The following CNNM2 variants were observed in gnomAD, a reference collection of about 807,000 sequenced individuals.
CNNM2 encodes the protein metal transporter CNNM2.
CNNM2 carries 12 observed loss-of-function variants against 66.9 expected under a neutral mutation model. The observed-to-expected ratio is 0.18, with a 90% confidence interval of 0.11 to 0.29. The LOEUF (loss-of-function observed/expected upper bound fraction) is 0.29, where lower values mean the gene tolerates loss of function less well. CNNM2 is among the 10% of genes least tolerant of loss of function. The pLI is 1.00. For missense variants in CNNM2, 705 were observed against 1,167.7 expected (o/e 0.60, Z 5.77); for synonymous variants, 557 against 501.8 (o/e 1.11, Z -1.47).
In CNNM2 at chr10:103,032,643, A is replaced by G. The variant is rs11191523; in HGVS notation, c.1622-17064A>G. ...TGACTTTTTTTTAGAGTAGCCTTTC[A>G]TAACAATTGATGTAGCTCTTTTTTT... is the stretch of plus-strand genomic sequence containing the variant. On this transcript the variant is annotated intron_variant, in intron 1 of 7. Transcript: ENST00000369878. 0.1 allele frequency among the ~76,000 whole-genome samples: 15,531 copies of G among 148,252 alleles called. 833 individuals are homozygous for G. Among genetic ancestry groups the G allele is most frequent in the Middle Eastern group, 0.17 (49 of 288 alleles).
In CNNM2 at chr10:103,055,588, G is replaced by A. The variant is rs12769080; in HGVS notation, c.1903+1122G>A. 0.042 allele frequency among the ~76,000 whole-genome samples: 6,456 copies of A among 152,254 alleles called. 185 individuals carry two copies. The highest frequency in any genetic ancestry group is 0.066 in the Non-Finnish European group (4,476 of 68,012). On this transcript the variant is annotated intron_variant, in intron 3 of 7. Coordinates refer to ENST00000369878, the MANE Select transcript of CNNM2 (RefSeq NM_017649.5). ...ATTGCTCAGAATGGTAATCTGAGTG[G>A]TTGGCTTATAGATAAGTTTTTCTTT...
rs1178418863 is a variant in CNNM2 at position 103,088,394 on chromosome 10, T to TATTTTTTGAGA, written c.*11215_*11225dup. The TATTTTTTGAGA allele has an allele frequency of 6.6e-6, 1 of 152,260 alleles. No individual in the cohort carries two copies. Among genetic ancestry groups the TATTTTTTGAGA allele is most frequent in the East Asian group, 1.9e-4 (1 of 5,206 alleles). 9.4% of individuals were successfully genotyped at this position (152,260 alleles called of 1,614,324 possible). ...GATTTCGACTTGGGATTGGGATTTT[T>TATTTTTTGAGA]ATTTTTTGAGATGGAGTTTTGTTCT... On this transcript the variant is annotated 3_prime_UTR_variant, in exon 8 of 8. Coordinates refer to ENST00000369878, the MANE Select transcript of CNNM2 (RefSeq NM_017649.5).
At chr10:102,940,351 C>G (rs1173726222) in intron 1 of CNNM2, among the ~76,000 whole-genome samples, 1 of 152,136 alleles carries the variant, frequency 6.6e-6, no homozygotes, top group Non-Finnish European at 1.5e-5. Context: ...CAGTGCCAGC[C>G]CTTAGCCCCT....
intron 1 of CNNM2, among the ~76,000 whole-genome samples, chr10:102,957,475 A>G (rs1021742873): frequency 9.2e-5 from 14 of 152,228 alleles, no homozygotes; most frequent in African/African-American, 3.1e-4. Flanking sequence ...TTTGAGTGCT[A>G]GGATAAGTGA....
At chr10:103,012,133 G>T (rs2064355240) in intron 1 of CNNM2, among the ~76,000 whole-genome samples, 1 of 152,192 alleles carries the variant, frequency 6.6e-6, no homozygotes, top group South Asian at 2.1e-4. Context: ...GTACAACAAA[G>T]AATTTCATTG....
chr10:103,034,972 C>CAAAAAA (rs71019651), intron 1 of CNNM2, among the ~76,000 whole-genome samples: 12 of 71,140 alleles, frequency 1.7e-4, no homozygotes, highest in East Asian at 5.1e-4. Flanking sequence ...GACTCCGTCT[C>CAAAAAA]AAAAAAAAAA....
chr10:102,990,246 GTGAGCCACCGCGCCCGGTT>G (rs1465770403), intron 1 of CNNM2, among the ~76,000 whole-genome samples: 1 of 152,028 alleles, frequency 6.6e-6, no homozygotes, highest in East Asian at 1.9e-4. Context: ...GATTACAGGT[GTGAGCCACCGCGCCCGGTT>G]TAAGCCACCG....
chr10:103,010,405 T>C (rs937352919), intron 1 of CNNM2, among the ~76,000 whole-genome samples: 2 of 151,880 alleles, frequency 1.3e-5, no homozygotes, highest in Admixed American at 6.6e-5. Context: ...GCCCGGCTAA[T>C]TTTTTGTAGA....
intron 1 of CNNM2, among the ~76,000 whole-genome samples, chr10:103,013,554 G>A (rs998263900): frequency 2.0e-5 from 3 of 152,160 alleles, no homozygotes; most frequent in Non-Finnish European, 4.4e-5. Flanking sequence ...GTGACTGACT[G>A]CAGGACACCA....
intron 1 of CNNM2, among the ~76,000 whole-genome samples, chr10:102,985,087 G>A (rs1288498858): frequency 2.6e-5 from 4 of 152,196 alleles, no homozygotes; most frequent in African/African-American, 9.7e-5. Context: ...AGGAAATAAC[G>A]AAGGGAAAGT....
rs1296989509 is a variant in CNNM2 at position 102,918,512 on chromosome 10, TAA to T, written c.34_35del (p.Lys12AspfsTer58). ...GGCTGTGGCGCTTGTGAACCCAAAG[TAA>T]AGATGGCGGGCGGGCAGGCAGCCGC... On this transcript the variant is annotated frameshift_variant, in exon 1 of 8. Transcript: ENST00000369878. LOFTEE classifies it high-confidence loss of function. The surrounding 1 kb of genome is among the most constrained non-coding windows in gnomAD (Gnocchi z 4.1). The T allele has an allele frequency of 3.7e-6, 6 of 1,606,828 alleles. No individual in the cohort carries two copies. The highest frequency in any genetic ancestry group is 4.2e-6 in the Non-Finnish European group (5 of 1,178,176).
At chr10:103,026,601 CAAAAAAAAAAA>C (rs887780071) in intron 1 of CNNM2, among the ~76,000 whole-genome samples, 7 of 64,932 alleles carry the variant, frequency 1.1e-4, no homozygotes, top group East Asian at 4.6e-4. Context: ...ACCTTGTCTT[CAAAAAAAAAAA>C]AAAAAAAAAA....
chr10:102,989,258 G>C (rs867707739), intron 1 of CNNM2, among the ~76,000 whole-genome samples: 1 of 152,200 alleles, frequency 6.6e-6, no homozygotes, highest in African/African-American at 2.4e-5. Context: ...CATCCGAACA[G>C]TTCCCCAAGA....
At chr10:102,981,805 A>G (rs1340102470) in intron 1 of CNNM2, among the ~76,000 whole-genome samples, 1 of 151,318 alleles carries the variant, frequency 6.6e-6, no homozygotes, top group Non-Finnish European at 1.5e-5. Flanking sequence ...TTTATTGGCC[A>G]TATGTCTAGG....
intron 1 of CNNM2, among the ~76,000 whole-genome samples, chr10:102,949,721 C>T (rs1290291441): frequency 2.0e-5 from 3 of 151,950 alleles, no homozygotes; most frequent in African/African-American, 4.8e-5. Flanking sequence ...ATCTGGAGGG[C>T]GGAGGTTGCA....
intron 1 of CNNM2, among the ~76,000 whole-genome samples, chr10:102,990,048 G>T (rs938803912): frequency 1.3e-5 from 2 of 151,310 alleles, no homozygotes; most frequent in Admixed American, 6.6e-5. Flanking sequence ...CGGTTCAAGC[G>T]ATTCTCATGC....
chr10:103,025,579 C>A (rs1011410771), intron 1 of CNNM2, among the ~76,000 whole-genome samples: 8 of 152,222 alleles, frequency 5.3e-5, no homozygotes, highest in African/African-American at 1.9e-4. Flanking sequence ...TGCCATTCTT[C>A]TGAAGTAGGA....
chr10:102,956,148 C>T (rs1228425197), intron 1 of CNNM2, among the ~76,000 whole-genome samples: 2 of 152,012 alleles, frequency 1.3e-5, no homozygotes, highest in East Asian at 1.9e-4. Context: ...ATTAGCCGGG[C>T]GTGGTGGCGG....
chr10:102,919,180 A>G lies in CNNM2; in HGVS notation c.700A>G (p.Ile234Val), dbSNP rs774840445. 6.2e-7 allele frequency: 1 copy of G among 1,611,688 alleles called. No homozygotes were observed. The highest frequency in any genetic ancestry group is 1.7e-5 in the Admixed American group (1 of 60,008). Residue 234 changes from isoleucine to valine, a missense_variant, in exon 1 of 8, where the codon ATT becomes GTT. By Grantham distance (29) the Ile-to-Val change is conservative. Around this residue, in one of 9 missense-constraint regions of CNNM2, gnomAD observed 100 missense variants for 151.9 expected, o/e 0.66. Coordinates refer to ENST00000369878, the MANE Select transcript of CNNM2 (RefSeq NM_017649.5). ...PPPPWAETTW[I>V]YHDGEDTKMI... ...GCCCCCGTGGGCCGAGACCACCTGG[A>G]TTTACCACGACGGCGAGGACACCAA...
Sources: allele counts gnomAD v4.1 joint callset (sites outside exome capture counted in the v4.1 genomes callset), GRCh38; gene constraint gnomAD v4.1.1; regional missense constraint gnomAD v4.1.1; non-coding constraint Gnocchi (gnomAD v3.1); transcripts MANE v1.5; gene names NCBI Gene and HGNC (gene_info 2026-07-23, HGNC 2026-07-21).